Variants in CSMD3 observed in about 807,000 individuals in gnomAD.
CSMD3 encodes the protein CUB and sushi domain-containing protein 3.
CSMD3 carries 177 observed loss-of-function variants against 435.2 expected under a neutral mutation model. That is an observed-to-expected ratio of 0.41 (90% CI 0.36 to 0.46). The LOEUF is 0.46. Among genes scored for constraint, CSMD3 ranks in the 20% least tolerant of loss-of-function variants. CSMD3 has a pLI of 0.34. For synonymous variants in CSMD3, 1,656 were observed against 1,520.5 expected, an observed-to-expected ratio of 1.09 and a Z score of -2.07; for missense variants, 4,265 against 4,504.6, an observed-to-expected ratio of 0.95 and a Z score of 1.52.
chr8:113,211,444 A>C (rs777195366), intron 3 of CSMD3, among the ~76,000 whole-genome samples: 2 of 152,126 alleles, frequency 1.3e-5, no homozygotes, highest in Non-Finnish European at 2.9e-5. Context: ...TGAACAAGCT[A>C]TATAAAGCAC....
intron 53 of CSMD3, among the ~76,000 whole-genome samples, chr8:112,301,117 A>G (rs1820880651): frequency 6.6e-6 from 1 of 152,096 alleles, no homozygotes; most frequent in Non-Finnish European, 1.5e-5. Context: ...AAGCATAAAT[A>G]GCATAAATCA....
intron 22 of CSMD3, among the ~76,000 whole-genome samples, chr8:112,623,353 T>C (rs1210559012): frequency 6.6e-6 from 1 of 152,080 alleles, no homozygotes. Flanking sequence ...TTCACAAATA[T>C]GTCATTTTTG....
At chr8:112,894,060 A>C (rs573740867) in intron 10 of CSMD3, among the ~76,000 whole-genome samples, 1 of 151,644 alleles carries the variant, frequency 6.6e-6, no homozygotes, top group South Asian at 2.1e-4. Context: ...CCAAACAAAC[A>C]AACAAACAAG....
Position 112,350,780 on chromosome 8 carries a change from C to T in CSMD3, c.6325+395G>A, listed in dbSNP as rs554184109. ...CCACTAAAGACATCTCATGAGGTGT[C>T]ATACTCCTTTTGCTAGACACTTTAG... On this transcript the variant is annotated intron_variant, in intron 40 of 70. Coordinates refer to ENST00000297405, the MANE Select transcript of CSMD3 (RefSeq NM_198123.2). Among the ~76,000 whole-genome samples the T allele has an allele frequency of 3.3e-5, 5 of 152,164 alleles. No homozygotes were observed. The East Asian group carries it at 5.8e-4, about 18-fold the overall frequency.
intron 42 of CSMD3, among the ~76,000 whole-genome samples, chr8:112,338,672 G>A (rs1824803051): frequency 6.6e-6 from 1 of 151,890 alleles, no homozygotes; most frequent in African/African-American, 2.4e-5. Context: ...AAATTTTTAG[G>A]ACTAAAGATT....
In CSMD3 at chr8:112,685,565, G is replaced by A. The variant is rs1343182239; in HGVS notation, c.2323C>T (p.Leu775Phe). The A allele has an allele frequency of 1.2e-6, 2 of 1,613,846 alleles. No homozygotes were observed. The change falls in exon 15 of 71, where the codon CTT becomes TTT. Residue 775 changes from leucine (L) to phenylalanine (F), a missense_variant. Physicochemically the swap from Leu to Phe is conservative, Grantham distance 22 (BLOSUM62 0). Around this residue, in one of 3 missense-constraint regions of CSMD3, gnomAD observed 279 missense variants for 369.0 expected, o/e 0.76. Transcript: ENST00000297405. ...GGAGAGTCACCATCTTTAACAGCAA[G>A]GAAATCAAACTGGGATTCCAGGTCA... Reference protein sequence around the residue: ...DFDLESQFDFLAVKDGDSPES... With the variant: ...DFDLESQFDFFAVKDGDSPES...
At chr8:112,947,749 T>A (rs1474736707) in intron 9 of CSMD3, 41 bp downstream of exon 9, 6 of 854,656 alleles carry the variant, frequency 7.0e-6, no homozygotes, top group Non-Finnish European at 1.2e-5. Context: ...AAAATAAACC[T>A]TGACAAGATA....
At chr8:113,169,496 C>T (rs946552139) in intron 4 of CSMD3, among the ~76,000 whole-genome samples, 7 of 152,040 alleles carry the variant, frequency 4.6e-5, no homozygotes, top group African/African-American at 1.7e-4. Flanking sequence ...TTCTTTTTGG[C>T]CACAAATATA....
At chr8:112,593,318 G>A (rs1039920738) in intron 22 of CSMD3, among the ~76,000 whole-genome samples, 1 of 152,136 alleles carries the variant, frequency 6.6e-6, no homozygotes, top group Non-Finnish European at 1.5e-5. Context: ...AGAGAAGATT[G>A]TTGTAGTGCT....
At chr8:112,236,913 T>C (rs1813642616) in intron 67 of CSMD3, among the ~76,000 whole-genome samples, 1 of 152,142 alleles carries the variant, frequency 6.6e-6, no homozygotes, top group Non-Finnish European at 1.5e-5. Context: ...TATTCATACC[T>C]AAATTAAATG....
chr8:113,434,211 G>C (rs1021734603), intron 1 of CSMD3, among the ~76,000 whole-genome samples: 1 of 152,088 alleles, frequency 6.6e-6, no homozygotes, highest in Non-Finnish European at 1.5e-5. Flanking sequence ...AGCTGTTCAC[G>C]TGGAAAACTG....
At chr8:113,125,838 T>C (rs915445781) in intron 4 of CSMD3, among the ~76,000 whole-genome samples, 1 of 151,822 alleles carries the variant, frequency 6.6e-6, no homozygotes, top group African/African-American at 2.4e-5. Context: ...AAAGGAGTTA[T>C]GGAACAAAGA....
Position 112,291,627 on chromosome 8 carries a change from A to T in CSMD3, c.8857T>A (p.Phe2953Ile), listed in dbSNP as rs1159130988. 6.2e-7 allele frequency: 1 copy of T among 1,612,058 alleles called. No homozygotes were observed. Among genetic ancestry groups the T allele is most frequent in the Non-Finnish European group, 8.5e-7 (1 of 1,178,486 alleles). ...TAGAATACCACAGTGCCGTAAGTAA[A>T]ATTTCCATGTTCTATTTTACTTTCT... Reference protein sequence around the residue: ...KRESKIEHGNFTYGTVVFYDC... With the variant: ...KRESKIEHGNITYGTVVFYDC... The change falls in exon 56 of 71, where the codon TTT (phenylalanine) becomes ATT (isoleucine). Residue 2953 changes from phenylalanine to isoleucine, a missense_variant. By Grantham distance (21) the Phe-to-Ile change is conservative. Around this residue, in one of 3 missense-constraint regions of CSMD3, gnomAD observed 3,255 missense variants for 3,380.2 expected, o/e 0.96. Transcript: ENST00000297405.
chr8:113,423,893 A>G (rs2094621600), intron 1 of CSMD3, among the ~76,000 whole-genome samples: 1 of 151,916 alleles, frequency 6.6e-6, no homozygotes, highest in Admixed American at 6.6e-5. Flanking sequence ...CAGAAAAAAT[A>G]GAAATTCACA....
At chr8:113,112,176 A>G (rs925509379) in intron 4 of CSMD3, among the ~76,000 whole-genome samples, 2 of 151,676 alleles carry the variant, frequency 1.3e-5, no homozygotes, top group African/African-American at 4.8e-5. Context: ...AAGTTATTGC[A>G]TATTTCAATA....
At chr8:112,715,444 C>G (rs79185037) in intron 13 of CSMD3, among the ~76,000 whole-genome samples, 6,648 of 151,880 alleles carry the variant, frequency 0.044, 182 homozygotes, top group Non-Finnish European at 0.063. Context: ...TCATACCAAC[C>G]AAAAAAAATC....
At chr8:112,994,036 A>G (rs2085553198) in intron 6 of CSMD3, among the ~76,000 whole-genome samples, 1 of 151,774 alleles carries the variant, frequency 6.6e-6, no homozygotes. Context: ...GGTTGTAGAG[A>G]GGCAATAGTC....
In CSMD3 at chr8:113,376,948, G is replaced by C. The variant is rs2094388073; in HGVS notation, c.178+59729C>G. 4.0e-6 allele frequency: 6 copies of C among 1,495,698 alleles called. No homozygotes were observed. The Admixed American group carries it at 1.1e-4, about 27-fold the overall frequency. The allele number at this position is 1,495,698 out of a possible 1,614,324, so 92.7% of individuals were successfully genotyped here. ...CATAACGGATGACGTGCGGGTTCAG[G>C]AGGTGCCCAAACTAAAGGTGTGTGC... On this transcript the variant is annotated intron_variant, in intron 1 of 70. Coordinates refer to ENST00000297405, the MANE Select transcript of CSMD3 (RefSeq NM_198123.2).
chr8:112,375,456 G>A (rs1252438660), intron 38 of CSMD3, among the ~76,000 whole-genome samples: 1 of 152,028 alleles, frequency 6.6e-6, no homozygotes, highest in East Asian at 1.9e-4. Flanking sequence ...GAGATTTAAT[G>A]TGACTAGTTA....
Sources: allele counts gnomAD v4.1 joint callset (sites outside exome capture counted in the v4.1 genomes callset), GRCh38; gene constraint gnomAD v4.1.1; regional missense constraint gnomAD v4.1.1; transcripts MANE v1.5; gene names NCBI Gene and HGNC (gene_info 2026-07-23, HGNC 2026-07-21).